The following KDM4C variants were observed in gnomAD, a reference collection of about 807,000 sequenced individuals.
KDM4C encodes lysine-specific demethylase 4C.
KDM4C carries 81 observed loss-of-function variants against 129.3 expected under a neutral mutation model. The observed-to-expected ratio is 0.63, with a 90% CI of 0.52 to 0.75. KDM4C has a LOEUF of 0.75. Among genes scored for constraint, KDM4C ranks in the 30% least tolerant of loss-of-function variants. The pLI, the probability that KDM4C is intolerant of heterozygous loss-of-function variation, is 0.00. For missense variants in KDM4C, 1,457 were observed against 1,304.0 expected (o/e 1.12, Z -1.81); for synonymous variants, 573 against 456.1 (o/e 1.26, Z -3.26).
At chr9:6,741,934 T>C (rs2130263706) in intron 1 of KDM4C, among the ~76,000 whole-genome samples, 1 of 151,826 alleles carries the variant, frequency 6.6e-6, no homozygotes, top group East Asian at 1.9e-4. Flanking sequence ...CTTTTTTTTT[T>C]CTAATGGCTC....
intron 5 of KDM4C, among the ~76,000 whole-genome samples, chr9:6,854,401 T>A (rs1360926112): frequency 6.6e-6 from 1 of 151,690 alleles, no homozygotes; most frequent in East Asian, 1.9e-4. Context: ...GGTACATGCC[T>A]GTAATCCCAG....
chr9:7,148,279 C>T (rs1433894429), intron 19 of KDM4C, among the ~76,000 whole-genome samples: 2 of 152,224 alleles, frequency 1.3e-5, no homozygotes, highest in Non-Finnish European at 2.9e-5. Flanking sequence ...GGTCTGGGCT[C>T]CCAGAAGAGC....
intron 15 of KDM4C, among the ~76,000 whole-genome samples, chr9:7,017,642 C>G (rs188078636): frequency 6.6e-6 from 1 of 152,116 alleles, no homozygotes; most frequent in Non-Finnish European, 1.5e-5. Flanking sequence ...TTGAAAGTGA[C>G]GAACAATCAG....
rs189209356 is a variant in KDM4C at position 6,747,364 on chromosome 9, G to A, written c.49+26367G>A. On this transcript the variant is annotated intron_variant, in intron 1 of 17. Transcript: ENST00000536108. ...AGATCGAGACCATCCTGGCTAATACGGTGAAACCCCGTCTCTACTAAAAAT... is the reference window on the plus strand; with the variant it reads ...AGATCGAGACCATCCTGGCTAATACAGTGAAACCCCGTCTCTACTAAAAAT... 4.5e-3 allele frequency among the ~76,000 whole-genome samples: 682 copies of A among 151,614 alleles called. 12 individuals are homozygous for A. The highest frequency in any genetic ancestry group is 0.016 in the African/African-American group (641 of 41,326).
chr9:6,860,516 G>C (rs1840729365), intron 5 of KDM4C, among the ~76,000 whole-genome samples: 1 of 152,090 alleles, frequency 6.6e-6, no homozygotes, highest in Non-Finnish European at 1.5e-5. Context: ...TGGGTACTAG[G>C]CTTAATACCT....
chr9:6,950,879 TTAG>T (rs951460534), intron 8 of KDM4C, among the ~76,000 whole-genome samples: 10 of 152,310 alleles, frequency 6.6e-5, no homozygotes, highest in Middle Eastern at 3.4e-3. Flanking sequence ...TCTCAGATCC[TTAG>T]TAGTCATGCC....
At position 7,144,624 on chromosome 9, in the gene KDM4C, C is replaced by A. The variant is rs1002697163; in HGVS notation, c.2781+16388C>A. On this transcript the variant is annotated intron_variant, in intron 19 of 21. Coordinates refer to ENST00000381309, the MANE Select transcript of KDM4C (RefSeq NM_015061.6). The stretch of plus-strand genomic sequence containing the variant: ...GACTATAAACATTGGAATGTGGCCC[C>A]TGGCCCCACCATTCCACTCATCCGC... Among the ~76,000 whole-genome samples, 6 of 152,374 alleles carry A rather than the reference C, an allele frequency of 3.9e-5. No individual in the cohort carries two copies. The East Asian group carries it at 1.2e-3, about 29-fold the overall frequency.
intron 17 of KDM4C, among the ~76,000 whole-genome samples, chr9:7,075,172 A>G (rs559581463): frequency 2.6e-5 from 4 of 152,312 alleles, no homozygotes; most frequent in South Asian, 4.1e-4. Flanking sequence ...TTTGTTCAGC[A>G]TCCCCCAGAA....
At chr9:7,076,859 A>T in intron 17 of KDM4C, 1 of 1,001,252 alleles carries the variant, frequency 1.0e-6, no homozygotes, top group South Asian at 4.4e-5. Context: ...TCCAAGGTGC[A>T]TCAGGTTAAT....
At chr9:6,800,119 G>C (rs1828655399) in intron 2 of KDM4C, among the ~76,000 whole-genome samples, 1 of 152,120 alleles carries the variant, frequency 6.6e-6, no homozygotes, top group Admixed American at 6.6e-5. Flanking sequence ...TGTAATCCCA[G>C]CACTTTGGAA....
In KDM4C at chr9:7,013,315, G is replaced by A. The variant is rs564174205; in HGVS notation, c.1969-473G>A. ...CTTTCTTATTTAGTGACATGTGCCA[G>A]TTCTCTCTCACTTGCTTTCAAATAC... On this transcript the variant is annotated intron_variant, in intron 13 of 21. Coordinates refer to ENST00000381309, the MANE Select transcript of KDM4C (RefSeq NM_015061.6). Among the ~76,000 whole-genome samples, 6 of 152,252 alleles carry A rather than the reference G, an allele frequency of 3.9e-5. No individual in the cohort carries two copies. The East Asian group carries it at 7.7e-4, about 20-fold the overall frequency.
chr9:7,029,406 T>G (rs1331466532), intron 15 of KDM4C, among the ~76,000 whole-genome samples: 1 of 151,800 alleles, frequency 6.6e-6, no homozygotes, highest in Non-Finnish European at 1.5e-5. Context: ...GGATGTTAGT[T>G]AAATGCCTGG....
intron 12 of KDM4C, among the ~76,000 whole-genome samples, chr9:7,001,859 T>C (rs1262848055): frequency 6.6e-6 from 1 of 152,124 alleles, no homozygotes; most frequent in Non-Finnish European, 1.5e-5. Flanking sequence ...GTTAATGAAA[T>C]AGCTTATGAA....
chr9:6,808,011 C>G (rs1046973478), intron 3 of KDM4C, among the ~76,000 whole-genome samples: 2 of 121,518 alleles, frequency 1.6e-5, no homozygotes, highest in Non-Finnish European at 3.5e-5. Flanking sequence ...GCCCCCCTGC[C>G]CGGCCAGCCG....
chr9:7,131,025 T>C (rs1840578447), intron 19 of KDM4C, among the ~76,000 whole-genome samples: 1 of 151,918 alleles, frequency 6.6e-6, no homozygotes, highest in African/African-American at 2.4e-5. Context: ...CGCCTCGGCA[T>C]CCCAAAGTGC....
intron 13 of KDM4C, among the ~76,000 whole-genome samples, chr9:7,012,399 CTT>C (rs1046527735): frequency 4.6e-5 from 7 of 152,024 alleles, no homozygotes; most frequent in Non-Finnish European, 8.8e-5. Flanking sequence ...TTTTCTATCT[CTT>C]TTACTAAGAA....
At chr9:6,795,000 A>G (rs1450258332) in intron 2 of KDM4C, among the ~76,000 whole-genome samples, 4 of 152,176 alleles carry the variant, frequency 2.6e-5, no homozygotes, top group African/African-American at 9.7e-5. Context: ...ACTTGTTTCA[A>G]TTTATTATTG....
chr9:7,052,412 TATTC>T (rs1482881249), intron 17 of KDM4C, among the ~76,000 whole-genome samples: 1 of 152,214 alleles, frequency 6.6e-6, no homozygotes, highest in African/African-American at 2.4e-5. Context: ...AGCAAATCAT[TATTC>T]ATTATTTGCA....
intron 1 of KDM4C, among the ~76,000 whole-genome samples, chr9:6,768,625 C>A (rs1446214950): frequency 1.3e-5 from 2 of 152,056 alleles, no homozygotes; most frequent in African/African-American, 4.8e-5. Flanking sequence ...AGTATCCAGT[C>A]CAGAATTGTG....
Sources: gnomAD v4.1 joint callset for allele counts (sites outside exome capture counted in the v4.1 genomes callset) on GRCh38, gnomAD v4.1.1 for gene constraint, MANE v1.5 for transcripts, NCBI Gene and HGNC (gene_info 2026-07-23, HGNC 2026-07-21) for gene names.